Variants in BPTF observed in about 807,000 individuals in gnomAD.
BPTF encodes bromodomain PHD finger transcription factor.
Under a neutral mutation model 292.5 loss-of-function variants are expected in BPTF, and 18 were observed. The ratio of observed to expected loss-of-function variants is 0.06; its 90% CI spans 0.04 to 0.09. BPTF has a LOEUF of 0.09. Ranked by LOEUF, BPTF falls within the 10% of genes least tolerant of loss-of-function variation. The probability of loss-of-function intolerance (pLI) is 1.00; values close to 1 mark genes in which losing one functional copy is unlikely to be tolerated. For missense variants in BPTF, 2,726 were observed against 3,498.7 expected (o/e 0.78, Z 5.57); for synonymous variants, 1,225 against 1,251.9 (o/e 0.98, Z 0.45).
chr17:67,950,074 A>G (rs77183050), intron 23 of BPTF, among the ~76,000 whole-genome samples: 1 of 134,528 alleles, frequency 7.4e-6, no homozygotes, highest in Non-Finnish European at 1.6e-5. Context: ...AAAAAAAAAC[A>G]TTTCATAACA....
intron 7 of BPTF, among the ~76,000 whole-genome samples, chr17:67,895,996 C>T (rs969912670): frequency 1.3e-5 from 2 of 148,846 alleles, no homozygotes; most frequent in Non-Finnish European, 3.0e-5. Context: ...CGGAGTCTCG[C>T]TCTGTCACCC....
rs995422515 is a variant in BPTF at position 67,890,867 on chromosome 17, A to G, written c.1865-977A>G. Among the ~76,000 whole-genome samples, 6 of 152,196 alleles carry G rather than the reference A, an allele frequency of 3.9e-5. No individual in the cohort carries two copies. The South Asian group carries it at 1.0e-3, about 26-fold the overall frequency. ...CTGTCTTTTCATTTGCCAGTGCCAC[A>G]GTGTCTTCATTTTTTTAAAGCTTTA... On this transcript the variant is annotated intron_variant, in intron 4 of 27. Coordinates refer to ENST00000306378, the MANE Select transcript of BPTF (RefSeq NM_182641.4).
intron 7 of BPTF, among the ~76,000 whole-genome samples, chr17:67,903,329 G>A (rs144244744): frequency 7.2e-4 from 109 of 152,262 alleles, no homozygotes; most frequent in African/African-American, 2.5e-3. Context: ...CAGTGACCTG[G>A]TTTAATAAAT....
chr17:67,893,191 T>G (rs959314335), intron 5 of BPTF, 179 bp from the exon 6 acceptor site: 8 of 604,278 alleles, frequency 1.3e-5, no homozygotes, highest in Admixed American at 6.2e-5. Context: ...TCTTGGTTGT[T>G]TAATTGTAAA....
chr17:67,919,652 C>T (rs1299789111), intron 12 of BPTF, among the ~76,000 whole-genome samples: 1 of 152,064 alleles, frequency 6.6e-6, no homozygotes, highest in Non-Finnish European at 1.5e-5. Flanking sequence ...TATGTGTGAA[C>T]CAGTCTACAT....
intron 16 of BPTF, chr17:67,929,031 C>A: frequency 8.2e-7 from 1 of 1,221,300 alleles, no homozygotes. Flanking sequence ...ACAGGCAATC[C>A]AGTCACTATG....
At chr17:67,925,721 T>C (rs1041288339) in intron 15 of BPTF, among the ~76,000 whole-genome samples, 6 of 152,136 alleles carry the variant, frequency 3.9e-5, no homozygotes, top group East Asian at 1.9e-4. Context: ...AAAAATCATA[T>C]ATAAACCAAA....
At chr17:67,869,784 C>T (rs1201811947) in intron 3 of BPTF, among the ~76,000 whole-genome samples, 1 of 144,914 alleles carries the variant, frequency 6.9e-6, no homozygotes, top group Non-Finnish European at 1.5e-5. Context: ...GAGATCGAGA[C>T]CATCCTGGCT....
At chr17:67,924,662 T>G (rs2063722517) in intron 15 of BPTF, 73 bp downstream of exon 15, 2 of 1,534,356 alleles carry the variant, frequency 1.3e-6, no homozygotes, top group African/African-American at 2.8e-5. Context: ...GCACTTGACC[T>G]CCCATCAGCA....
intron 4 of BPTF, among the ~76,000 whole-genome samples, chr17:67,879,084 A>C (rs1434839552): frequency 6.7e-6 from 1 of 148,506 alleles, no homozygotes; most frequent in Non-Finnish European, 1.5e-5. Flanking sequence ...TTTTGGCCTC[A>C]TATCATGAGT....
intron 14 of BPTF, 64 bp downstream of exon 14, chr17:67,923,054 T>TC: frequency 3.4e-6 from 5 of 1,467,410 alleles, no homozygotes; most frequent in South Asian, 1.3e-5. Flanking sequence ...ATCAATAAAT[T>TC]ACTTTTTTTT....
Position 67,940,544 on chromosome 17 carries a change from C to G in BPTF, c.6365C>G (p.Thr2122Ser), listed in dbSNP as rs782196298. The part of the protein sequence containing the change: ...VSSTPGQKSL[T>S]SATSTSNIQS... ...TCAACACCTGGGCAGAAAAGCTTAA[C>G]TTCAGCAACGTCCACTTCAAATATA... The change falls in exon 19 of 28, where the codon ACT becomes AGT. Residue 2122 changes from threonine to serine, a missense_variant. Physicochemically the swap from Thr to Ser is moderately conservative, Grantham distance 58. This residue lies in a region of BPTF where 570 missense variants were observed against 633.5 expected (regional missense o/e 0.90). Coordinates refer to ENST00000306378, the MANE Select transcript of BPTF (RefSeq NM_182641.4). 2 of 1,614,146 alleles carry G rather than the reference C, an allele frequency of 1.2e-6. No individual in the cohort carries two copies. Among genetic ancestry groups the G allele is most frequent in the Non-Finnish European group, 1.7e-6 (2 of 1,180,028 alleles).
Position 67,853,932 on chromosome 17 carries a change from A to T in BPTF, c.614-8A>T, listed in dbSNP as rs1199409148. 2 of 1,599,874 alleles carry T rather than the reference A, an allele frequency of 1.3e-6. No individual in the cohort carries two copies. The highest frequency in any genetic ancestry group is 4.5e-5 in the East Asian group (2 of 44,636). ...TGATTTGTAATGATGTCACGTCTTT[A>T]TCTACAGGTAGGCGAAAACCAAGAG... On this transcript the variant is annotated splice_region_variant and splice_polypyrimidine_tract_variant and intron_variant, in intron 1 of 27. Coordinates refer to ENST00000306378, the MANE Select transcript of BPTF (RefSeq NM_182641.4).
intron 1 of BPTF, among the ~76,000 whole-genome samples, chr17:67,834,923 A>G (rs1429084653): frequency 6.6e-6 from 1 of 152,202 alleles, no homozygotes; most frequent in Admixed American, 6.5e-5. Flanking sequence ...ATTAATTAAA[A>G]CTAGGCAGGC....
Position 67,844,935 on chromosome 17 carries a change from G to A in BPTF, c.614-9005G>A, listed in dbSNP as rs571433907. Among the ~76,000 whole-genome samples, 20 of 152,126 alleles carry A rather than the reference G, an allele frequency of 1.3e-4. No individual in the cohort carries two copies. The East Asian group carries it at 1.5e-3, about 12-fold the overall frequency. The stretch of plus-strand genomic sequence containing the variant: ...ATTTTGTATTTTTAGTAGAGACAGC[G>A]TTTCTTCATGTTGGTCAGGCTGGTC... On this transcript the variant is annotated intron_variant, in intron 1 of 27. Coordinates refer to ENST00000306378, the MANE Select transcript of BPTF (RefSeq NM_182641.4).
At chr17:67,833,019 G>C (rs1448564675) in intron 1 of BPTF, among the ~76,000 whole-genome samples, 1 of 149,464 alleles carries the variant, frequency 6.7e-6, no homozygotes, top group East Asian at 2.0e-4. Context: ...GGCCGGTCTC[G>C]AACTCCTGAT....
Position 67,932,022 on chromosome 17 carries a change from AT to A in BPTF, c.6259+6del. 2 of 1,606,850 alleles carry A rather than the reference AT, an allele frequency of 1.2e-6. No individual in the cohort carries two copies. Among genetic ancestry groups the A allele is most frequent in the Non-Finnish European group, 1.7e-6 (2 of 1,173,588 alleles). Reference sequence around the variant, plus strand: ...AACACCTGTGATGGTACAGCCAGGTATTTATCCATCCAGCATTATCATTTTA... The same window carrying A: ...AACACCTGTGATGGTACAGCCAGGTATTATCCATCCAGCATTATCATTTTA... On this transcript the variant is annotated splice_donor_region_variant and intron_variant, in intron 18 of 27. Coordinates refer to ENST00000306378, the MANE Select transcript of BPTF (RefSeq NM_182641.4).
At chr17:67,846,709 T>G (rs758762224) in intron 1 of BPTF, among the ~76,000 whole-genome samples, 11 of 151,972 alleles carry the variant, frequency 7.2e-5, no homozygotes, top group Admixed American at 1.3e-4. Flanking sequence ...TGTGTGGGTT[T>G]GTTTGTTTGT....
chr17:67,924,186 C>G (rs1297735830), intron 14 of BPTF, among the ~76,000 whole-genome samples: 1 of 152,128 alleles, frequency 6.6e-6, no homozygotes, highest in Non-Finnish European at 1.5e-5. Flanking sequence ...AACTCCTGAT[C>G]TCAAGCAATC....
Sources: allele counts gnomAD v4.1 joint callset (sites outside exome capture counted in the v4.1 genomes callset), GRCh38; gene constraint gnomAD v4.1.1; regional missense constraint gnomAD v4.1.1; transcripts MANE v1.5; gene names NCBI Gene and HGNC (gene_info 2026-07-23, HGNC 2026-07-21).